IQGAP2: variants seen among roughly 807,000 people sequenced by gnomAD.
IQGAP2 encodes ras GTPase-activating-like protein IQGAP2.
In IQGAP2, 173 loss-of-function variants were observed where a neutral mutation model predicts 201.3. That is an observed-to-expected ratio of 0.86 (90% CI 0.76 to 0.98). The LOEUF (loss-of-function observed/expected upper bound fraction) is 0.98, where lower values mean the gene tolerates loss of function less well. Among genes scored for constraint, IQGAP2 ranks in the 50% least tolerant of loss-of-function variants. IQGAP2 has a pLI of 0.00. For synonymous variants in IQGAP2, 675 were observed against 673.9 expected (o/e 1.00, Z -0.03); for missense variants, 1,687 against 1,864.8 (o/e 0.90, Z 1.76).
At chr5:76,693,479 G>C in intron 31 of IQGAP2, 37 bp downstream of exon 31, 1 of 1,283,846 alleles carries the variant, frequency 7.8e-7, no homozygotes, top group Non-Finnish European at 1.1e-6. Context: ...TAATAGACAG[G>C]TGTTGATTTT....
chr5:76,652,716 G>T (rs1327972868), intron 17 of IQGAP2, 34 bp from the exon 18 acceptor site: 2 of 1,448,758 alleles, frequency 1.4e-6, no homozygotes, highest in Admixed American at 3.3e-5. Flanking sequence ...GAAACTTGCT[G>T]GTAAATAATT....
chr5:76,670,968 C>A (rs1409599209), intron 23 of IQGAP2, among the ~76,000 whole-genome samples: 1 of 152,146 alleles, frequency 6.6e-6, no homozygotes, highest in African/African-American at 2.4e-5. Flanking sequence ...ATCTAAGAAA[C>A]ATACACGTTA....
intron 1 of IQGAP2, among the ~76,000 whole-genome samples, chr5:76,426,522 A>AAT (rs1445661335): frequency 6.6e-6 from 1 of 152,224 alleles, no homozygotes; most frequent in African/African-American, 2.4e-5. Flanking sequence ...TTGAGCTAAA[A>AAT]ATAGAACATC....
At chr5:76,663,461 AG>A (rs1743449924) in intron 21 of IQGAP2, among the ~76,000 whole-genome samples, 1 of 126,294 alleles carries the variant, frequency 7.9e-6, no homozygotes. Flanking sequence ...GTTCTAGAAC[AG>A]CGACTTTCAA....
At chr5:76,571,143 T>G (rs558867354) in intron 4 of IQGAP2, among the ~76,000 whole-genome samples, 10 of 152,036 alleles carry the variant, frequency 6.6e-5, no homozygotes, top group Non-Finnish European at 8.8e-5. Flanking sequence ...GTATACACTT[T>G]ATTACTGTAA....
intron 1 of IQGAP2, among the ~76,000 whole-genome samples, chr5:76,422,236 G>A (rs1310314082): frequency 6.6e-6 from 1 of 152,158 alleles, no homozygotes; most frequent in Non-Finnish European, 1.5e-5. Context: ...TAGCATAACT[G>A]TGGCCTTAAA....
chr5:76,499,222 C>T (rs1231255558), intron 2 of IQGAP2, among the ~76,000 whole-genome samples: 1 of 152,192 alleles, frequency 6.6e-6, no homozygotes, highest in Non-Finnish European at 1.5e-5. Flanking sequence ...CAGGTACTAA[C>T]GCTGACACAG....
chr5:76,547,632 T>C (rs1477053402), intron 2 of IQGAP2, among the ~76,000 whole-genome samples: 1 of 152,226 alleles, frequency 6.6e-6, no homozygotes, highest in Non-Finnish European at 1.5e-5. Context: ...TAGACCAAAA[T>C]GTATGCGTAA....
intron 5 of IQGAP2, among the ~76,000 whole-genome samples, chr5:76,581,566 G>A (rs1418890210): frequency 6.6e-6 from 1 of 152,134 alleles, no homozygotes; most frequent in Non-Finnish European, 1.5e-5. Context: ...TGGTGGTTAT[G>A]CCTTTCTGTC....
intron 1 of IQGAP2, among the ~76,000 whole-genome samples, chr5:76,444,445 C>T (rs1753251090): frequency 6.6e-6 from 1 of 152,052 alleles, no homozygotes; most frequent in African/African-American, 2.4e-5. Flanking sequence ...ATTACAGGTG[C>T]CCACTACCAC....
intron 1 of IQGAP2, among the ~76,000 whole-genome samples, chr5:76,421,971 T>A (rs533090121): frequency 6.6e-6 from 1 of 152,340 alleles, no homozygotes; most frequent in East Asian, 1.9e-4. Context: ...CAGAATGAAA[T>A]AAGCTAATCT....
At chr5:76,596,490 C>G (rs1464217792) in intron 9 of IQGAP2, among the ~76,000 whole-genome samples, 1 of 152,216 alleles carries the variant, frequency 6.6e-6, no homozygotes, top group South Asian at 2.1e-4. Context: ...CACCTTACAA[C>G]TGGTTGAGAG....
Position 76,575,622 on chromosome 5 carries a change from G to A in IQGAP2, c.382-71G>A. 4.7e-6 allele frequency: 4 copies of A among 844,754 alleles called. No individual in the cohort carries two copies. In the South Asian group the frequency reaches 7.3e-5, roughly 15 times the overall value. The allele number at this position is 844,754 out of a possible 1,614,324, so 52.3% of individuals were successfully genotyped here. A position where few individuals can be genotyped will look rare whatever the true frequency, so the allele number is the denominator to read the frequency against. On this transcript the variant is annotated intron_variant, in intron 4 of 35. Coordinates refer to ENST00000274364, the MANE Select transcript of IQGAP2 (RefSeq NM_006633.5). ...GGATAGCAAGGACAATCAAAATAGG[G>A]TCATTTTGGGAAGTTAAAATACTTG... is the stretch of plus-strand genomic sequence containing the variant.
intron 2 of IQGAP2, among the ~76,000 whole-genome samples, chr5:76,550,659 C>G (rs556524021): frequency 5.3e-5 from 8 of 152,100 alleles, no homozygotes; most frequent in African/African-American, 9.7e-5. Context: ...TCAGAGAGCA[C>G]GGGGTTGGGG....
At chr5:76,580,093 T>C (rs1745736740) in intron 5 of IQGAP2, among the ~76,000 whole-genome samples, 1 of 151,816 alleles carries the variant, frequency 6.6e-6, no homozygotes, top group African/African-American at 2.4e-5. Context: ...CTGGCCATGA[T>C]GGTGAAACCT....
Position 76,693,372 on chromosome 5 carries a change from T to C in IQGAP2, c.3923T>C (p.Ile1308Thr). 3 of 1,613,586 alleles carry C rather than the reference T, an allele frequency of 1.9e-6. No homozygotes were observed. The highest frequency in any genetic ancestry group is 2.5e-6 in the Non-Finnish European group (3 of 1,179,644). ...TTGTTAAGGACCAAGAAGCTGATAA[T>C]TGATGTGATCCGGAACCAGCCAGGG... ...SLMIKTKKLIIDVIRNQPGNT... is the reference protein window; with the variant it reads ...SLMIKTKKLITDVIRNQPGNT... Residue 1308 changes from isoleucine to threonine, a missense_variant, in exon 31 of 36, where the codon ATT becomes ACT. Physicochemically the swap from Ile to Thr is moderately conservative, Grantham distance 89 (BLOSUM62 -1). Coordinates refer to ENST00000274364, the MANE Select transcript of IQGAP2 (RefSeq NM_006633.5).
intron 24 of IQGAP2, 129 bp downstream of exon 24, chr5:76,672,112 C>T (rs1299079996): frequency 7.5e-6 from 5 of 669,132 alleles, no homozygotes; most frequent in African/African-American, 7.3e-5. Context: ...AATGTTACCT[C>T]CCTTTAACAT....
chr5:76,417,202 A>C (rs956413404), intron 1 of IQGAP2, among the ~76,000 whole-genome samples: 15 of 152,254 alleles, frequency 9.9e-5, no homozygotes, highest in African/African-American at 3.4e-4. Flanking sequence ...TCTTTGGTGA[A>C]GTCTTATTAG....
intron 1 of IQGAP2, among the ~76,000 whole-genome samples, chr5:76,444,980 A>G (rs1753291570): frequency 6.6e-6 from 1 of 152,218 alleles, no homozygotes; most frequent in South Asian, 2.1e-4. Context: ...TACCATTTCT[A>G]ATTTGAAACT....
Sources: gnomAD v4.1 joint callset for allele counts (sites outside exome capture counted in the v4.1 genomes callset) on GRCh38, gnomAD v4.1.1 for gene constraint, MANE v1.5 for transcripts, NCBI Gene and HGNC (gene_info 2026-07-23, HGNC 2026-07-21) for gene names.